The following CSMD1 variants were observed in gnomAD, a reference collection of about 807,000 sequenced individuals.
CSMD1 encodes the protein CUB and sushi domain-containing protein 1.
CSMD1 carries 213 observed loss-of-function variants against 417.5 expected under a neutral mutation model. The observed-to-expected ratio is 0.51, with a 90% CI of 0.46 to 0.57. The LOEUF (loss-of-function observed/expected upper bound fraction) is 0.57. CSMD1 is among the 20% of genes least tolerant of loss of function. The pLI is 0.00. For synonymous variants in CSMD1, 2,862 were observed against 1,736.8 expected, an observed-to-expected ratio of 1.65 and a Z score of -16.11; for missense variants, 6,923 against 4,529.7, an observed-to-expected ratio of 1.53 and a Z score of -15.17.
chr8:4,305,494 A>T (rs915106594), intron 3 of CSMD1, among the ~76,000 whole-genome samples: 3 of 152,246 alleles, frequency 2.0e-5, no homozygotes, highest in Non-Finnish European at 4.4e-5. Context: ...TTTTACAGGC[A>T]CTGCTTTCCC....
chr8:3,715,741 C>T (rs1384093113), intron 6 of CSMD1, among the ~76,000 whole-genome samples: 1 of 152,140 alleles, frequency 6.6e-6, no homozygotes, highest in Non-Finnish European at 1.5e-5. Flanking sequence ...CACGGTTTCA[C>T]CATGTTGGCC....
intron 1 of CSMD1, among the ~76,000 whole-genome samples, chr8:4,807,636 G>A (rs1168004108): frequency 6.6e-6 from 1 of 152,072 alleles, no homozygotes; most frequent in Admixed American, 6.5e-5. Flanking sequence ...TAATACATAT[G>A]AATATACATA....
intron 4 of CSMD1, among the ~76,000 whole-genome samples, chr8:4,031,465 C>A (rs907314698): frequency 6.6e-6 from 1 of 152,100 alleles, no homozygotes; most frequent in Non-Finnish European, 1.5e-5. Context: ...ATGAGAACGG[C>A]ACAGGAAACA....
At chr8:4,358,203 G>A (rs1392152068) in intron 3 of CSMD1, among the ~76,000 whole-genome samples, 2 of 152,046 alleles carry the variant, frequency 1.3e-5, no homozygotes, top group African/African-American at 4.8e-5. Flanking sequence ...TGTCTTCTGG[G>A]GTGTTATAAT....
intron 3 of CSMD1, among the ~76,000 whole-genome samples, chr8:4,226,086 AC>A (rs1207453162): frequency 6.7e-6 from 1 of 149,692 alleles, no homozygotes; most frequent in Non-Finnish European, 1.5e-5. Context: ...ACACACACAC[AC>A]ACACACACAC....
At chr8:3,701,866 G>A (rs933403911) in intron 7 of CSMD1, among the ~76,000 whole-genome samples, 2 of 152,156 alleles carry the variant, frequency 1.3e-5, no homozygotes, top group African/African-American at 2.4e-5. Context: ...GAGGGAGATG[G>A]AACCACTGTG....
intron 5 of CSMD1, among the ~76,000 whole-genome samples, chr8:3,916,832 T>C (rs141669584): frequency 1.3e-3 from 193 of 152,134 alleles, no homozygotes; most frequent in African/African-American, 4.2e-3. Flanking sequence ...TGGTCTTAGA[T>C]TGCTGCAGGT....
At chr8:4,379,291 G>A (rs1802949893) in intron 3 of CSMD1, among the ~76,000 whole-genome samples, 1 of 152,158 alleles carries the variant, frequency 6.6e-6, no homozygotes. Flanking sequence ...CTTCAAAACT[G>A]TCAAGGTCAA....
chr8:3,407,102 G>A (rs112114165), intron 14 of CSMD1, among the ~76,000 whole-genome samples: 69 of 152,228 alleles, frequency 4.5e-4, no homozygotes, highest in African/African-American at 1.6e-3. Context: ...TGGAGGGATG[G>A]ATGGAAAGAT....
intron 51 of CSMD1, among the ~76,000 whole-genome samples, chr8:3,026,118 A>G (rs1484014324): frequency 6.6e-6 from 1 of 152,136 alleles, no homozygotes; most frequent in African/African-American, 2.4e-5. Flanking sequence ...GGATGGGAAC[A>G]GCCTGGTGAG....
chr8:3,442,973 T>G (rs1452001191), intron 12 of CSMD1, among the ~76,000 whole-genome samples: 4 of 152,216 alleles, frequency 2.6e-5, no homozygotes, highest in Non-Finnish European at 5.9e-5. Flanking sequence ...TTTATTAATT[T>G]AAATCATTAA....
intron 5 of CSMD1, among the ~76,000 whole-genome samples, chr8:3,983,247 C>T (rs867978059): frequency 1.5e-4 from 23 of 151,818 alleles, no homozygotes; most frequent in Middle Eastern, 3.4e-3. Flanking sequence ...TCTCCTGCCT[C>T]AGCCTCCCGA....
At chr8:3,607,438 G>T (rs1016396619) in intron 8 of CSMD1, among the ~76,000 whole-genome samples, 7 of 152,232 alleles carry the variant, frequency 4.6e-5, no homozygotes, top group African/African-American at 9.6e-5. Flanking sequence ...CATTGTAAAT[G>T]CATGAACTAC....
chr8:4,924,073 G>A (rs1194923569), intron 1 of CSMD1, among the ~76,000 whole-genome samples: 1 of 152,140 alleles, frequency 6.6e-6, no homozygotes, highest in Non-Finnish European at 1.5e-5. Context: ...GAAAAGTGAT[G>A]AACAAGACAA....
chr8:4,152,123 A>G (rs1254585384), intron 3 of CSMD1, among the ~76,000 whole-genome samples: 1 of 152,222 alleles, frequency 6.6e-6, no homozygotes, highest in Admixed American at 6.5e-5. Flanking sequence ...GAAATTGTAT[A>G]GAAAAATATC....
intron 2 of CSMD1, among the ~76,000 whole-genome samples, chr8:4,575,316 G>C (rs1799086927): frequency 6.6e-6 from 1 of 152,142 alleles, no homozygotes; most frequent in Non-Finnish European, 1.5e-5. Flanking sequence ...ATGTAATAAT[G>C]TGATTCTGCA....
In CSMD1 at chr8:3,839,171, A is replaced by C. The variant is rs558842068; in HGVS notation, c.819-85129T>G. On this transcript the variant is annotated intron_variant, in intron 5 of 69. Transcript: ENST00000635120. ...CTATATATCTATAGTCCCTCTCTCT[A>C]TATATTTATATATAATAAATAAATT... is the stretch of plus-strand genomic sequence containing the variant. 3.0e-4 allele frequency among the ~76,000 whole-genome samples: 38 copies of C among 126,416 alleles called. No individual in the cohort carries two copies. In the East Asian group the frequency reaches 4.4e-3, roughly 15 times the overall value. 82.9% of individuals were successfully genotyped at this position (126,416 alleles called of 152,430 possible).
At chr8:3,787,268 T>C (rs1159708226) in intron 5 of CSMD1, among the ~76,000 whole-genome samples, 26 of 152,176 alleles carry the variant, frequency 1.7e-4, no homozygotes. Context: ...TTGTGAGTTG[T>C]GAAAAACCAT....
In CSMD1 at chr8:4,016,066, C is replaced by G. The variant is rs534900567; in HGVS notation, c.610+15839G>C. Among the ~76,000 whole-genome samples, 36 of 152,242 alleles carry G rather than the reference C, an allele frequency of 2.4e-4. No homozygotes were observed. In the South Asian group the frequency reaches 7.1e-3, roughly 30 times the overall value. On this transcript the variant is annotated intron_variant, in intron 4 of 69. Transcript: ENST00000635120. ...GCTCTCAGAGAATGTGATTCCATATCTGGAAAATCTACCCATTAATATTTA... is the reference window on the plus strand; with the variant it reads ...GCTCTCAGAGAATGTGATTCCATATGTGGAAAATCTACCCATTAATATTTA...
Sources: gnomAD v4.1 joint callset for allele counts (sites outside exome capture counted in the v4.1 genomes callset) on GRCh38, gnomAD v4.1.1 for gene constraint, MANE v1.5 for transcripts, NCBI Gene and HGNC (gene_info 2026-07-23, HGNC 2026-07-21) for gene names.